KCNG3: variants seen among roughly 807,000 people sequenced by gnomAD.
KCNG3 encodes the protein potassium voltage-gated channel modifier subfamily G member 3.
Under a neutral mutation model 29.0 loss-of-function variants are expected in KCNG3, and 15 were observed. The ratio of observed to expected loss-of-function variants is 0.52; its 90% CI spans 0.35 to 0.80. The LOEUF is 0.80. Among genes scored for constraint, KCNG3 ranks in the 30% least tolerant of loss-of-function variants. The pLI is 0.01. For missense variants in KCNG3, 512 were observed against 605.7 expected, an observed-to-expected ratio of 0.85 and a Z score of 1.62; for synonymous variants, 322 against 248.9, an observed-to-expected ratio of 1.29 and a Z score of -2.76.
chr2:42,393,429 C>T, the KCNG3 span, among the ~76,000 whole-genome samples: 2 of 151,886 alleles, frequency 1.3e-5, no homozygotes, highest in African/African-American at 4.8e-5. Flanking sequence ...GGCGTGGTGG[C>T]GGGCACCTGT....
At chr2:42,423,485 C>T in the KCNG3 span, among the ~76,000 whole-genome samples, 1 of 152,346 alleles carries the variant, frequency 6.6e-6, no homozygotes, top group Admixed American at 6.5e-5. Flanking sequence ...CTTCTCTCTG[C>T]ACTTACCCAA....
chr2:42,475,560 C>A (rs1673403700), intron 1 of KCNG3, among the ~76,000 whole-genome samples: 1 of 151,298 alleles, frequency 6.6e-6, no homozygotes, highest in Non-Finnish European at 1.5e-5. Flanking sequence ...GAACTCCTGG[C>A]CTCAACTGAT....
intron 1 of KCNG3, among the ~76,000 whole-genome samples, chr2:42,447,268 A>ATG (rs1458813114): frequency 1.3e-5 from 2 of 151,188 alleles, no homozygotes; most frequent in Non-Finnish European, 2.9e-5. Context: ...ATGTACATAC[A>ATG]TGTATATATA....
chr2:42,455,075 C>CAAA (rs1672846737), intron 1 of KCNG3, among the ~76,000 whole-genome samples: 5 of 152,142 alleles, frequency 3.3e-5, no homozygotes, highest in Admixed American at 2.0e-4. Context: ...TTTTAAAGAG[C>CAAA]AAACATATGA....
chr2:42,473,200 A>G (rs1673335559), intron 1 of KCNG3, among the ~76,000 whole-genome samples: 1 of 151,970 alleles, frequency 6.6e-6, no homozygotes, highest in South Asian at 2.1e-4. Context: ...CCGGCCCTCA[A>G]CAATATTTTT....
chr2:42,463,158 A>G, intron 1 of KCNG3: 1 of 343,664 alleles, frequency 2.9e-6, no homozygotes, highest in Non-Finnish European at 5.5e-6. Flanking sequence ...TTCTAATCCT[A>G]GACCAAGCTC....
the KCNG3 span, among the ~76,000 whole-genome samples, chr2:42,389,348 T>C: frequency 6.6e-6 from 1 of 152,248 alleles, no homozygotes; most frequent in East Asian, 1.9e-4. Flanking sequence ...TATACTATTG[T>C]TCCTATGGTC....
the KCNG3 span, among the ~76,000 whole-genome samples, chr2:42,390,912 T>C: frequency 1.8e-4 from 27 of 152,316 alleles, no homozygotes; most frequent in Admixed American, 9.1e-4. Context: ...GCAAGGTTCA[T>C]TGGGGACACC....
intron 1 of KCNG3, among the ~76,000 whole-genome samples, chr2:42,445,370 C>A (rs376981275): frequency 6.6e-6 from 1 of 152,096 alleles, no homozygotes; most frequent in African/African-American, 2.4e-5. Flanking sequence ...ACAGTCAATG[C>A]AAGATCATTT....
At chr2:42,419,382 C>T in the KCNG3 span, among the ~76,000 whole-genome samples, 7 of 151,572 alleles carry the variant, frequency 4.6e-5, no homozygotes, top group Non-Finnish European at 1.0e-4. Flanking sequence ...GGATTACAGG[C>T]ACCTGCCACC....
chr2:42,452,258 TTA>T, intron 1 of KCNG3, among the ~76,000 whole-genome samples: 1 of 138,314 alleles, frequency 7.2e-6, no homozygotes, highest in Non-Finnish European at 1.5e-5. Context: ...TTTTTTTTTT[TTA>T]AAGGAAACAG....
chr2:42,437,534 C>T (rs1672395956), downstream of KCNG3, among the ~76,000 whole-genome samples: 2 of 152,118 alleles, frequency 1.3e-5, no homozygotes, highest in Admixed American at 1.3e-4. Flanking sequence ...AAGCCTTACA[C>T]AGATTTTATG....
chr2:42,406,095 T>C, the KCNG3 span, among the ~76,000 whole-genome samples: 1 of 152,160 alleles, frequency 6.6e-6, no homozygotes, highest in African/African-American at 2.4e-5. Flanking sequence ...ATATTGTTGT[T>C]TACTAGTAAC....
chr2:42,471,180 G>GTGTC (rs1553329820), intron 1 of KCNG3, among the ~76,000 whole-genome samples: 134 of 151,054 alleles, frequency 8.9e-4, no homozygotes, highest in African/African-American at 3.2e-3. Context: ...GTGTGTGTGT[G>GTGTC]TGTGTATATA....
intron 1 of KCNG3, among the ~76,000 whole-genome samples, chr2:42,487,483 G>A (rs942377245): frequency 7.3e-5 from 11 of 151,496 alleles, no homozygotes; most frequent in Non-Finnish European, 1.3e-4. Context: ...CCAGAAAAAG[G>A]TATAAATATC....
the KCNG3 span, among the ~76,000 whole-genome samples, chr2:42,412,651 A>G: frequency 6.6e-6 from 1 of 152,088 alleles, no homozygotes; most frequent in African/African-American, 2.4e-5. Flanking sequence ...CTTTGTGCAT[A>G]TTTCTGCTTA....
intron 1 of KCNG3, among the ~76,000 whole-genome samples, chr2:42,489,949 C>T (rs964998572): frequency 6.6e-6 from 1 of 152,242 alleles, no homozygotes; most frequent in Non-Finnish European, 1.5e-5. Context: ...ATCTCCAACT[C>T]ATCTTCCTGT....
At chr2:42,401,040 CATGT>C in the KCNG3 span, among the ~76,000 whole-genome samples, 22 of 151,002 alleles carry the variant, frequency 1.5e-4, no homozygotes, top group Non-Finnish European at 7.4e-5. Context: ...TTTAAAAACA[CATGT>C]GTGTATATAA....
chr2:42,412,239 T>C, the KCNG3 span, among the ~76,000 whole-genome samples: 485 of 152,336 alleles, frequency 3.2e-3, 1 homozygote, highest in Admixed American at 6.2e-3. Context: ...CTTCTAAAAT[T>C]TTATCTAACA....
Sources: gnomAD v4.1 joint callset for allele counts (sites outside exome capture counted in the v4.1 genomes callset) on GRCh38, gnomAD v4.1.1 for gene constraint, MANE v1.5 for transcripts, NCBI Gene and HGNC (gene_info 2026-07-23, HGNC 2026-07-21) for gene names.